Variants in USP29 observed in about 807,000 individuals in gnomAD.
The protein encoded by USP29 is ubiquitin specific peptidase 29.
For synonymous variants in USP29, 386 were observed against 387.4 expected (o/e 1.00, Z 0.04); for missense variants, 1,102 against 1,069.0 (o/e 1.03, Z -0.43).
Position 57,131,348 on chromosome 19 carries a change from G to C in USP29, c.2673G>C (p.Leu891=), listed in dbSNP as rs1318903512. ...FYMHNGIFEE[L]LRKAENSRLP... is the part of the protein sequence containing the mutation. ...TGCACAATGGGATTTTTGAGGAGCTGTTAAGAAAAGCAGAGAACTCTCGGC... is the reference window on the plus strand; with the variant it reads ...TGCACAATGGGATTTTTGAGGAGCTCTTAAGAAAAGCAGAGAACTCTCGGC... Residue 891 remains leucine (L), a synonymous_variant, in exon 4 of 4, where the codon CTG becomes CTC. Coordinates refer to ENST00000254181, the MANE Select transcript of USP29 (RefSeq NM_020903.3). 6.2e-7 allele frequency: 1 copy of C among 1,614,174 alleles called. No individual in the cohort carries two copies. The highest frequency in any genetic ancestry group is 2.2e-5 in the East Asian group (1 of 44,880).
chr19:57,131,371 G>C lies in USP29; in HGVS notation c.2696G>C (p.Arg899Pro). 1 of 1,614,086 alleles carries C rather than the reference G, an allele frequency of 6.2e-7. No homozygotes were observed. Among genetic ancestry groups the C allele is most frequent in the Non-Finnish European group, 8.5e-7 (1 of 1,180,030 alleles). The change falls in exon 4 of 4, where the codon CGG (arginine) becomes CCG (proline). Residue 899 changes from arginine (R) to proline (P), a missense_variant. Transcript: ENST00000254181. ...CTGTTAAGAAAAGCAGAGAACTCTC[G>C]GCTACCTAGCACACAGGCAGGGGTG... ...EELLRKAENS[R>P]LPSTQAGVIP...
chr19:57,128,529 C>A (rs2086835230), intron 3 of USP29, 131 bp from the exon 4 acceptor site: 2 of 969,680 alleles, frequency 2.1e-6, no homozygotes, highest in African/African-American at 1.7e-5. Context: ...TATTAGCACC[C>A]CAAAAGAGTA....
chr19:57,128,675 G>A lies in USP29; in HGVS notation c.-1G>A, dbSNP rs774382713. 3.8e-5 allele frequency: 60 copies of A among 1,558,444 alleles called. No individual in the cohort carries two copies. In the East Asian group the frequency reaches 1.0e-3, roughly 26 times the overall value. On this transcript the variant is annotated 5_prime_UTR_variant, in exon 4 of 4. Coordinates refer to ENST00000254181, the MANE Select transcript of USP29 (RefSeq NM_020903.3). ...TCTTCTTTAGGTTACATAAAGAAAG[G>A]ATGATATCTCTAAAGGTATGTGGAT...
At chr19:57,119,282 G>C (rs1165968367), upstream of USP29, 1 of 152,240 alleles carries the variant, frequency 6.6e-6, no homozygotes, top group Non-Finnish European at 1.5e-5. Context: ...CAAGACTTGG[G>C]GGCTTGTGGC....
rs758989449 is a variant in USP29 at position 57,131,439 on chromosome 19, G to A, written c.2764G>A (p.Ala922Thr). 1 of 1,602,182 alleles carries A rather than the reference G, an allele frequency of 6.2e-7. No individual in the cohort carries two copies. The highest frequency in any genetic ancestry group is 8.5e-7 in the Non-Finnish European group (1 of 1,174,732). Reference protein sequence around the residue: ...EYEGDSLYRPA With the variant: ...EYEGDSLYRPT ...CGAAGGTGACTCTTTGTACAGACCT[G>A]CTTGACAGACTCACTCGGCCTCACT... Residue 922 changes from alanine to threonine, a missense_variant, in exon 4 of 4, where the codon GCT becomes ACT. Ala to Thr is a moderately conservative substitution (Grantham distance 58). Coordinates refer to ENST00000254181, the MANE Select transcript of USP29 (RefSeq NM_020903.3).
At chr19:57,127,498 G>C (rs2086829774) in intron 3 of USP29, among the ~76,000 whole-genome samples, 1 of 152,186 alleles carries the variant, frequency 6.6e-6, no homozygotes, top group East Asian at 1.9e-4. Context: ...GAGGAATCTA[G>C]AGAAGCAGTC....
chr19:57,125,324 G>C (rs1338903671), intron 3 of USP29, among the ~76,000 whole-genome samples: 1 of 151,990 alleles, frequency 6.6e-6, no homozygotes, highest in Non-Finnish European at 1.5e-5. Flanking sequence ...AGTGCTATGT[G>C]GTGATGATAA....
intron 2 of USP29, among the ~76,000 whole-genome samples, chr19:57,123,580 T>C (rs533935006): frequency 1.3e-5 from 2 of 152,238 alleles, no homozygotes; most frequent in East Asian, 3.9e-4. Flanking sequence ...ATCCTGGAAG[T>C]TGGAATGTAC....
At chr19:57,121,198 A>C (rs1158352388) in intron 1 of USP29, among the ~76,000 whole-genome samples, 1 of 151,096 alleles carries the variant, frequency 6.6e-6, no homozygotes, top group African/African-American at 2.4e-5. Flanking sequence ...ACTAGAACGT[A>C]AAATGATCTT....
intron 3 of USP29, among the ~76,000 whole-genome samples, chr19:57,126,128 A>G (rs761032779): frequency 7.2e-5 from 11 of 152,288 alleles, no homozygotes; most frequent in Non-Finnish European, 1.5e-4. Flanking sequence ...GCAATCCACT[A>G]TTAATCTGAT....
chr19:57,129,005 C>T lies in USP29; in HGVS notation c.330C>T (p.Pro110=). The T allele has an allele frequency of 3.1e-6, 5 of 1,614,086 alleles. No homozygotes were observed. In the South Asian group the frequency reaches 3.3e-5, roughly 11 times the overall value. ...DIIHQNKSQQ[P]MKSDDDWSVF... Reference sequence around the variant, plus strand: ...TCCACCAAAACAAATCTCAGCAACCCATGAAATCTGATGATGATTGGAGTG... The same window carrying T: ...TCCACCAAAACAAATCTCAGCAACCTATGAAATCTGATGATGATTGGAGTG... Residue 110 remains proline (P), a synonymous_variant, in exon 4 of 4, where the codon CCC becomes CCT. Coordinates refer to ENST00000254181, the MANE Select transcript of USP29 (RefSeq NM_020903.3).
rs1369505172 is a variant in USP29 at position 57,130,379 on chromosome 19, G to A, written c.1704G>A (p.Glu568=). Residue 568 remains glutamate (E), a synonymous_variant, in exon 4 of 4, where the codon GAG becomes GAA. Transcript: ENST00000254181. ...GTGAAGTCCTGGAAGTCTCTCAGGA[G>A]ATGATTTCTGAGATCAACAGCCCAT... The part of the protein sequence containing the change: ...GKCEVLEVSQ[E]MISEINSPLT... 1 of 1,614,198 alleles carries A rather than the reference G, an allele frequency of 6.2e-7. No homozygotes were observed.
At chr19:57,128,612 C>T (rs933622527) in intron 3 of USP29, 48 bp from the exon 4 acceptor site, 4 of 1,472,650 alleles carry the variant, frequency 2.7e-6, no homozygotes, top group Admixed American at 2.4e-5. Flanking sequence ...TAAAATATAA[C>T]TGTTAATATA....
In USP29 at chr19:57,131,919, T is replaced by C. The variant is rs2086863914; in HGVS notation, c.*475T>C. On this transcript the variant is annotated 3_prime_UTR_variant, in exon 4 of 4. Coordinates refer to ENST00000254181, the MANE Select transcript of USP29 (RefSeq NM_020903.3). ...ATTGCTTATGTTATATAAACGATTT[T>C]CATTAAATTTTTTGCACTCTTTTAT... The C allele has an allele frequency of 6.0e-6, 1 of 168,050 alleles. No individual in the cohort carries two copies. The highest frequency in any genetic ancestry group is 2.4e-5 in the African/African-American group (1 of 41,498). The allele number at this position is 168,050 out of a possible 1,614,324, so 10.4% of individuals were successfully genotyped here. A position where few individuals can be genotyped will look rare whatever the true frequency, so the allele number is the denominator to read the frequency against.
chr19:57,123,149 C>G (rs1043159161), intron 2 of USP29, among the ~76,000 whole-genome samples: 2 of 152,082 alleles, frequency 1.3e-5, no homozygotes, highest in East Asian at 3.9e-4. Context: ...TCCTAAAAGT[C>G]CCTTAATGTA....
chr19:57,128,717 C>G lies in USP29; in HGVS notation c.42C>G (p.Ser14Arg). 6.2e-7 allele frequency: 1 copy of G among 1,604,938 alleles called. No homozygotes were observed. Among genetic ancestry groups the G allele is most frequent in the Non-Finnish European group, 8.5e-7 (1 of 1,177,418 alleles). Residue 14 changes from serine to arginine, a missense_variant, in exon 4 of 4, where the codon AGC becomes AGG. Coordinates refer to ENST00000254181, the MANE Select transcript of USP29 (RefSeq NM_020903.3). ...LKVCGFIQIW[S>R]QKTGMTKLKE... is the part of the protein sequence containing the mutation. ...TATGTGGATTCATCCAAATTTGGAG[C>G]CAGAAGACTGGGATGACTAAGCTGA...
Position 57,131,586 on chromosome 19 carries a change from T to C in USP29, c.*142T>C. ...ATGAAAAACACTTATTTTGGGGGAA[T>C]ATCTATTTTAACTGCTTCAGACACC... On this transcript the variant is annotated 3_prime_UTR_variant, in exon 4 of 4. Transcript: ENST00000254181. The C allele has an allele frequency of 7.3e-7, 1 of 1,372,358 alleles. No homozygotes were observed. The highest frequency in any genetic ancestry group is 1.5e-5 in the African/African-American group (1 of 68,936). The allele number at this position is 1,372,358 out of a possible 1,614,324, so 85.0% of individuals were successfully genotyped here.
At chr19:57,119,892 T>A (rs985170136), upstream of USP29, among the ~76,000 whole-genome samples, 3 of 152,112 alleles carry the variant, frequency 2.0e-5, no homozygotes, top group African/African-American at 7.2e-5. Flanking sequence ...CCAGGAACTC[T>A]ATGTGCCCCG....
rs889380564 is a variant in USP29, at chr19:57,131,529, TGAAG to T, written c.*89_*92del. 5.3e-6 allele frequency: 8 copies of T among 1,496,634 alleles called. No homozygotes were observed. In the African/African-American group the frequency reaches 1.1e-4, roughly 21 times the overall value. The allele number at this position is 1,496,634 out of a possible 1,614,324, so 92.7% of individuals were successfully genotyped here. On this transcript the variant is annotated 3_prime_UTR_variant, in exon 4 of 4. Coordinates refer to ENST00000254181, the MANE Select transcript of USP29 (RefSeq NM_020903.3). ...AGAGAATCCTGTACTTCACTCAGAA[TGAAG>T]GAACAAGTATCTCAGGATGAAATCT...
Sources: allele counts gnomAD v4.1 joint callset (sites outside exome capture counted in the v4.1 genomes callset), GRCh38; gene constraint gnomAD v4.1.1; transcripts MANE v1.5; gene names NCBI Gene and HGNC (gene_info 2026-07-23, HGNC 2026-07-21).